MAD1L1: variants seen among roughly 807,000 people sequenced by gnomAD.
MAD1L1 encodes mitotic arrest deficient 1 like 1.
MAD1L1 carries 95 observed loss-of-function variants against 96.9 expected under a neutral mutation model. The ratio of observed to expected loss-of-function variants is 0.98; its 90% CI spans 0.83 to 1.16. The LOEUF (loss-of-function observed/expected upper bound fraction) is 1.16, where lower values mean the gene tolerates loss of function less well. MAD1L1 is among the 50% of genes most tolerant of loss of function. The pLI is 0.00. For synonymous variants in MAD1L1, 473 were observed against 396.6 expected (o/e 1.19, Z -2.29); for missense variants, 1,007 against 954.4 (o/e 1.06, Z -0.73).
At chr7:2,144,229 G>A (rs1789181654) in intron 11 of MAD1L1, among the ~76,000 whole-genome samples, 1 of 152,248 alleles carries the variant, frequency 6.6e-6, no homozygotes, top group South Asian at 2.1e-4. Context: ...GGGAGCGTCT[G>A]TGAGGCTCAA....
chr7:2,200,732 C>T (rs1164712254), intron 10 of MAD1L1, among the ~76,000 whole-genome samples: 4 of 152,184 alleles, frequency 2.6e-5, no homozygotes, highest in Admixed American at 1.3e-4. Context: ...ACGGTGCTAC[C>T]ACGAGGACCG....
intron 12 of MAD1L1, among the ~76,000 whole-genome samples, chr7:2,051,502 A>G (rs1784167457): frequency 6.6e-6 from 1 of 152,154 alleles, no homozygotes; most frequent in African/African-American, 2.4e-5. Flanking sequence ...TCAGCAGGCA[A>G]GATCCAAGAC....
At chr7:1,955,696 C>A (rs566965069) in intron 16 of MAD1L1, among the ~76,000 whole-genome samples, 1 of 152,182 alleles carries the variant, frequency 6.6e-6, no homozygotes, top group African/African-American at 2.4e-5. Context: ...GGCCCCTCCC[C>A]CGGTTCCTCA....
chr7:1,874,034 G>A (rs571276603), intron 18 of MAD1L1, among the ~76,000 whole-genome samples: 1 of 152,274 alleles, frequency 6.6e-6, no homozygotes, highest in African/African-American at 2.4e-5. Flanking sequence ...CTGAGGACAG[G>A]CGGGCCTCTC....
chr7:2,081,644 T>C (rs1785653347), intron 11 of MAD1L1, among the ~76,000 whole-genome samples: 1 of 152,254 alleles, frequency 6.6e-6, no homozygotes, highest in Admixed American at 6.5e-5. Context: ...GACTTCTCTC[T>C]TCCGGGCTCT....
intron 18 of MAD1L1, among the ~76,000 whole-genome samples, chr7:1,866,843 G>A (rs1159198034): frequency 6.6e-6 from 1 of 152,230 alleles, no homozygotes; most frequent in Non-Finnish European, 1.5e-5. Flanking sequence ...GAGGGCCAAG[G>A]AGGAGAGATG....
At chr7:1,950,617 C>T (rs1334990120) in intron 16 of MAD1L1, among the ~76,000 whole-genome samples, 7 of 152,336 alleles carry the variant, frequency 4.6e-5, no homozygotes, top group South Asian at 2.1e-4. Flanking sequence ...CGACCCCACA[C>T]GGGAGCCCCT....
intron 10 of MAD1L1, among the ~76,000 whole-genome samples, chr7:2,194,959 G>A (rs575767758): frequency 1.1e-3 from 169 of 152,094 alleles, no homozygotes; most frequent in African/African-American, 2.3e-3. Flanking sequence ...GTGCTGATGC[G>A]CACCTGTAGT....
intron 17 of MAD1L1, 83 bp from the exon 18 acceptor site, chr7:1,898,473 A>G (rs1344546598): frequency 4.1e-6 from 5 of 1,224,770 alleles, no homozygotes; most frequent in Middle Eastern, 4.3e-4. Context: ...GCAGGGAGGA[A>G]GCCGAGTACA....
intron 12 of MAD1L1, among the ~76,000 whole-genome samples, chr7:2,019,796 C>G (rs987535805): frequency 6.6e-6 from 1 of 152,252 alleles, no homozygotes; most frequent in African/African-American, 2.4e-5. Context: ...GCTCGGCCCA[C>G]GCCTGCTCCT....
intron 18 of MAD1L1, among the ~76,000 whole-genome samples, chr7:1,822,622 T>C (rs1297209966): frequency 6.6e-6 from 1 of 151,786 alleles, no homozygotes; most frequent in Non-Finnish European, 1.5e-5. Flanking sequence ...GGGGTCTCCC[T>C]GTGTTGCCCA....
chr7:1,887,545 G>A (rs1318338444), intron 18 of MAD1L1, among the ~76,000 whole-genome samples: 2 of 151,492 alleles, frequency 1.3e-5, no homozygotes, highest in Admixed American at 6.6e-5. Context: ...GTGGCTGCCT[G>A]TGCATGTGTG....
At chr7:1,874,655 G>A (rs565229109) in intron 18 of MAD1L1, 38 of 402,926 alleles carry the variant, frequency 9.4e-5, no homozygotes, top group African/African-American at 6.5e-4. Context: ...GACCCAGGAG[G>A]GAAAAGCAGC....
At chr7:2,006,409 G>A (rs1782031897) in intron 13 of MAD1L1, among the ~76,000 whole-genome samples, 1 of 152,188 alleles carries the variant, frequency 6.6e-6, no homozygotes, top group African/African-American at 2.4e-5. Context: ...TTCTGTGGAG[G>A]GAGGGTGTGA....
chr7:1,969,292 G>C (rs931008041), intron 15 of MAD1L1, among the ~76,000 whole-genome samples: 5 of 152,142 alleles, frequency 3.3e-5, no homozygotes, highest in African/African-American at 4.8e-5. Flanking sequence ...GCTGAGGCAG[G>C]ATTCACTTGA....
chr7:1,964,402 G>A (rs939033998), intron 15 of MAD1L1, among the ~76,000 whole-genome samples: 1 of 152,236 alleles, frequency 6.6e-6, no homozygotes, highest in Admixed American at 6.5e-5. Context: ...CACCCTCGCC[G>A]CCAGACAGCA....
intron 11 of MAD1L1, among the ~76,000 whole-genome samples, chr7:2,137,212 A>G (rs1788795415): frequency 6.6e-6 from 1 of 152,204 alleles, no homozygotes. Flanking sequence ...CCATCTCCCT[A>G]TTCTCTTCCT....
intron 11 of MAD1L1, among the ~76,000 whole-genome samples, chr7:2,124,381 A>T (rs190492865): frequency 2.6e-5 from 4 of 152,226 alleles, no homozygotes. Flanking sequence ...GAAGAGCCCA[A>T]CGTGCCGAAA....
At position 1,983,630 on chromosome 7, in the gene MAD1L1, C is replaced by T. The variant is rs528070483; in HGVS notation, c.1417-3089G>A. ...TTCCCATCGAGGTATACATAATTTACACGCAGTAAACTTCTCAATCTTATG... is the reference window on the plus strand; with the variant it reads ...TTCCCATCGAGGTATACATAATTTATACGCAGTAAACTTCTCAATCTTATG... On this transcript the variant is annotated intron_variant, in intron 14 of 18. Coordinates refer to ENST00000265854, the MANE Select transcript of MAD1L1 (RefSeq NM_001013836.2). Among the ~76,000 whole-genome samples, 4 of 152,268 alleles carry T rather than the reference C, an allele frequency of 2.6e-5. No individual in the cohort carries two copies. In the South Asian group the frequency reaches 8.3e-4, roughly 32 times the overall value.
Sources: allele counts gnomAD v4.1 joint callset (sites outside exome capture counted in the v4.1 genomes callset), GRCh38; gene constraint gnomAD v4.1.1; transcripts MANE v1.5; gene names NCBI Gene and HGNC (gene_info 2026-07-23, HGNC 2026-07-21).